TEC: variants seen among roughly 807,000 people sequenced by gnomAD.
The protein encoded by TEC is tec protein tyrosine kinase, also known as tyrosine-protein kinase Tec.
A neutral mutation model predicts 93.0 loss-of-function variants in TEC; 72 were observed. The observed-to-expected ratio is 0.77, with a 90% CI of 0.64 to 0.94. The LOEUF (loss-of-function observed/expected upper bound fraction) is 0.94. TEC is among the 40% of genes least tolerant of loss of function. The probability of loss-of-function intolerance (pLI) is 0.00; values close to 1 mark genes in which losing one functional copy is unlikely to be tolerated. For synonymous variants in TEC, 249 were observed against 247.7 expected (o/e 1.01, Z -0.05); for missense variants, 630 against 757.9 (o/e 0.83, Z 1.98).
At chr4:48,255,254 G>T (rs1243828515) in intron 1 of TEC, among the ~76,000 whole-genome samples, 1 of 152,116 alleles carries the variant, frequency 6.6e-6, no homozygotes, top group African/African-American at 2.4e-5. Flanking sequence ...ATGGAGCAGG[G>T]AAAAATGACC....
At chr4:48,269,475 A>T (rs1365532347) in intron 1 of TEC, among the ~76,000 whole-genome samples, 1 of 152,192 alleles carries the variant, frequency 6.6e-6, no homozygotes, top group Non-Finnish European at 1.5e-5. Flanking sequence ...GTTCCTTAGG[A>T]GAGGTCAGTG....
At chr4:48,166,641 AAAAAGAG>A (rs1720883037) in intron 7 of TEC, among the ~76,000 whole-genome samples, 1 of 152,062 alleles carries the variant, frequency 6.6e-6, no homozygotes, top group Non-Finnish European at 1.5e-5. Context: ...GAAGTCAAGC[AAAAAGAG>A]ATTCTATTAT....
intron 1 of TEC, among the ~76,000 whole-genome samples, chr4:48,263,317 T>C (rs1724545637): frequency 6.6e-6 from 1 of 152,168 alleles, no homozygotes; most frequent in Non-Finnish European, 1.5e-5. Flanking sequence ...ATCTTTCAGA[T>C]TAAAATAATA....
At chr4:48,268,448 A>G (rs147607625) in intron 1 of TEC, among the ~76,000 whole-genome samples, 20 of 152,332 alleles carry the variant, frequency 1.3e-4, no homozygotes, top group Admixed American at 3.9e-4. Flanking sequence ...TAACTGGAGT[A>G]TGGGGAAAGT....
At chr4:48,236,008 A>G (rs1201319804) in intron 1 of TEC, among the ~76,000 whole-genome samples, 1 of 152,192 alleles carries the variant, frequency 6.6e-6, no homozygotes, top group Non-Finnish European at 1.5e-5. Flanking sequence ...GAATGGAAGG[A>G]AAAAGTTTAA....
In TEC at chr4:48,204,426, C is replaced by T. The variant is rs571211454; in HGVS notation, c.138+24051G>A. The stretch of plus-strand genomic sequence containing the variant: ...CCTATGTGACTCCACTGGGAGAGGA[C>T]TCCTGTAAGCTCTGGAAGCTTGCAC... On this transcript the variant is annotated intron_variant, in intron 2 of 17. Coordinates refer to ENST00000381501, the MANE Select transcript of TEC (RefSeq NM_003215.3). Among the ~76,000 whole-genome samples the T allele has an allele frequency of 2.2e-4, 34 of 152,316 alleles. No individual in the cohort carries two copies. In the South Asian group the frequency reaches 7.0e-3, roughly 32 times the overall value.
At position 48,138,661 on chromosome 4, in the gene TEC, A is replaced by G. The variant is rs1385729223; in HGVS notation, c.1812+4T>C. ...CAAAAAGAAAGCACACAAAAAATCT[A>G]TACCTCCTGCCAACATCTCAGCATC... On this transcript the variant is annotated splice_donor_region_variant and intron_variant, in intron 17 of 17. Coordinates refer to ENST00000381501, the MANE Select transcript of TEC (RefSeq NM_003215.3). The G allele has an allele frequency of 1.3e-6, 2 of 1,594,966 alleles. No individual in the cohort carries two copies. Among genetic ancestry groups the G allele is most frequent in the Non-Finnish European group, 1.7e-6 (2 of 1,173,228 alleles).
At chr4:48,221,692 T>G (rs1264112629) in intron 2 of TEC, among the ~76,000 whole-genome samples, 2 of 152,108 alleles carry the variant, frequency 1.3e-5, no homozygotes, top group Non-Finnish European at 2.9e-5. Context: ...AGATTAAATC[T>G]TTGGCTATAA....
intron 1 of TEC, among the ~76,000 whole-genome samples, chr4:48,247,029 G>C (rs957506195): frequency 1.3e-5 from 2 of 152,058 alleles, no homozygotes; most frequent in East Asian, 3.8e-4. Flanking sequence ...AATATATAAA[G>C]AACACTTACC....
intron 2 of TEC, among the ~76,000 whole-genome samples, chr4:48,212,088 G>C (rs1722919396): frequency 1.2e-5 from 1 of 82,244 alleles, no homozygotes; most frequent in Non-Finnish European, 2.2e-5. Context: ...GACAGAGTGA[G>C]ACTCTGTCTC....
intron 9 of TEC, among the ~76,000 whole-genome samples, chr4:48,152,435 CATAAATAAATAAATAAATAA>C (rs3062030): frequency 6.0e-5 from 9 of 149,724 alleles, no homozygotes; most frequent in Non-Finnish European, 7.4e-5. Context: ...GAGATACTAT[CATAAATAAATAAATAAATAA>C]ATAAATAAAT....
At chr4:48,266,266 C>G (rs2109683002) in intron 1 of TEC, among the ~76,000 whole-genome samples, 1 of 152,276 alleles carries the variant, frequency 6.6e-6, no homozygotes, top group South Asian at 2.1e-4. Flanking sequence ...AAGACATGTG[C>G]TACAAGTACC....
intron 2 of TEC, among the ~76,000 whole-genome samples, chr4:48,217,516 C>T (rs1195740852): frequency 2.0e-5 from 3 of 152,178 alleles, no homozygotes; most frequent in Non-Finnish European, 4.4e-5. Context: ...GGAGAATAGA[C>T]TACACTGATT....
chr4:48,183,912 T>C (rs921327888), intron 2 of TEC, among the ~76,000 whole-genome samples: 24 of 152,170 alleles, frequency 1.6e-4, no homozygotes, highest in African/African-American at 7.2e-5. Flanking sequence ...AACTGAGCAC[T>C]GAGAGGCTAT....
intron 2 of TEC, among the ~76,000 whole-genome samples, chr4:48,212,111 ATATATATAT>A (rs1229132007): frequency 1.1e-4 from 11 of 101,686 alleles, no homozygotes; most frequent in Non-Finnish European, 1.7e-4. Context: ...AAAAAAAAAA[ATATATATAT>A]ATATATATAT....
intron 2 of TEC, among the ~76,000 whole-genome samples, chr4:48,195,046 G>C (rs913346256): frequency 3.9e-5 from 6 of 152,178 alleles, no homozygotes; most frequent in Non-Finnish European, 5.9e-5. Flanking sequence ...TTAAGAGTGT[G>C]GTGATGGCAC....
At chr4:48,144,518 G>C (rs756512196) in intron 14 of TEC, among the ~76,000 whole-genome samples, 7 of 152,098 alleles carry the variant, frequency 4.6e-5, no homozygotes, top group Non-Finnish European at 1.0e-4. Flanking sequence ...CAGGTGAGAA[G>C]GGAAAAATTG....
At chr4:48,187,337 GT>G (rs947428177) in intron 2 of TEC, among the ~76,000 whole-genome samples, 2 of 151,008 alleles carry the variant, frequency 1.3e-5, no homozygotes, top group Non-Finnish European at 2.9e-5. Context: ...AGAGACCCTT[GT>G]TCACATGTTT....
At chr4:48,141,542 C>T (rs1279680115) in intron 14 of TEC, 123 bp from the exon 15 acceptor site, 7 of 903,192 alleles carry the variant, frequency 7.8e-6, no homozygotes, top group South Asian at 1.7e-5. Flanking sequence ...AGTGGAAACA[C>T]CCTTTAATAA....
Sources: allele counts gnomAD v4.1 joint callset (sites outside exome capture counted in the v4.1 genomes callset), GRCh38; gene constraint gnomAD v4.1.1; transcripts MANE v1.5; gene names NCBI Gene and HGNC (gene_info 2026-07-23, HGNC 2026-07-21).